PHIP: variants seen among roughly 807,000 people sequenced by gnomAD.
The protein encoded by PHIP is PHIP subunit of CUL4-Ring ligase complex.
Under a neutral mutation model 236.8 loss-of-function variants are expected in PHIP, and 54 were observed. The ratio of observed to expected loss-of-function variants is 0.23; its 90% CI spans 0.18 to 0.29. PHIP has a LOEUF of 0.29. Ranked by LOEUF, PHIP falls within the 10% of genes least tolerant of loss-of-function variation. The pLI is 1.00. For synonymous variants in PHIP, 756 were observed against 718.9 expected, an observed-to-expected ratio of 1.05 and a Z score of -0.83; for missense variants, 1,370 against 2,190.8, an observed-to-expected ratio of 0.63 and a Z score of 7.48.
chr6:79,030,748 C>T lies in PHIP; in HGVS notation c.601-4584G>A, dbSNP rs186203289. 7.9e-5 allele frequency among the ~76,000 whole-genome samples: 12 copies of T among 152,182 alleles called. No individual in the cohort carries two copies. In the East Asian group the frequency reaches 1.5e-3, roughly 20 times the overall value. ...AAAACAATGATAGCAGATGAGATTA[C>T]GAAGAGAGACCACTTAGTGTAGATT... On this transcript the variant is annotated intron_variant, in intron 7 of 39. Transcript: ENST00000275034.
chr6:78,987,906 C>A (rs980371370), intron 21 of PHIP, among the ~76,000 whole-genome samples: 1 of 152,290 alleles, frequency 6.6e-6, no homozygotes, highest in Non-Finnish European at 1.5e-5. Context: ...AACAAACTTG[C>A]ATTTAATCCC....
Position 78,965,103 on chromosome 6 carries a change from GAC to G in PHIP, c.3379+598_3379+599del, listed in dbSNP as rs149494524. Among the ~76,000 whole-genome samples, 656 of 152,266 alleles carry G rather than the reference GAC, an allele frequency of 4.3e-3. 2 individuals carry two copies. The highest frequency in any genetic ancestry group is 0.014 in the African/African-American group (596 of 41,534). On this transcript the variant is annotated intron_variant, in intron 29 of 39. Transcript: ENST00000275034. ...GAATGTGTCAGGCCATATGCATAAT[GAC>G]AGTTATATTATCATTATTAATTACA... is the stretch of plus-strand genomic sequence containing the variant.
intron 7 of PHIP, 83 bp downstream of exon 7, chr6:79,042,760 A>G: frequency 2.0e-6 from 2 of 1,019,288 alleles, no homozygotes; most frequent in Non-Finnish European, 2.7e-6. Flanking sequence ...AAAAAAAAGC[A>G]AGGTTTTACT....
chr6:79,015,107 A>C lies in PHIP; in HGVS notation c.1499T>G (p.Val500Gly). Residue 500 changes from valine to glycine, a missense_variant, in exon 15 of 40, where the codon GTC (valine) becomes GGC (glycine). By Grantham distance (109) the Val-to-Gly change is moderately radical. Coordinates refer to ENST00000275034, the MANE Select transcript of PHIP (RefSeq NM_017934.7). ...NVIVWDLARG[V>G]KIRSYFNMIE... The stretch of plus-strand genomic sequence containing the variant: ...CATATTGAAATAAGATCGTATTTTG[A>C]CTCCTCTTGCCAGATCCCACACTAT... The C allele has an allele frequency of 2.5e-6, 4 of 1,610,732 alleles. No homozygotes were observed. Among genetic ancestry groups the C allele is most frequent in the Non-Finnish European group, 3.4e-6 (4 of 1,177,548 alleles).
chr6:79,008,504 T>C (rs960003755), intron 15 of PHIP, among the ~76,000 whole-genome samples: 1 of 152,160 alleles, frequency 6.6e-6, no homozygotes, highest in Non-Finnish European at 1.5e-5. Flanking sequence ...AGCAATACTA[T>C]TGATTAGGCC....
At chr6:78,943,989 TTAAAAAAAAAAAA>T (rs1372844909) in intron 39 of PHIP, among the ~76,000 whole-genome samples, 2 of 46,822 alleles carry the variant, frequency 4.3e-5, no homozygotes, top group Middle Eastern at 0.015. Flanking sequence ...CTGTCTTTTT[TTAAAAAAAAAAAA>T]AAAAAAAAAA....
At chr6:78,987,204 T>C (rs1768922426) in intron 21 of PHIP, among the ~76,000 whole-genome samples, 1 of 152,078 alleles carries the variant, frequency 6.6e-6, no homozygotes, top group African/African-American at 2.4e-5. Context: ...AAACAGAATA[T>C]TTTAAATATT....
intron 24 of PHIP, among the ~76,000 whole-genome samples, chr6:78,975,660 A>C (rs1768000158): frequency 6.6e-6 from 1 of 152,220 alleles, no homozygotes; most frequent in South Asian, 2.1e-4. Flanking sequence ...TAAGCTGATA[A>C]GCAACTTCAG....
chr6:78,990,922 C>T lies in PHIP; in HGVS notation c.2265G>A (p.Glu755=), dbSNP rs766793943. Residue 755 remains glutamate (E), a synonymous_variant, in exon 20 of 40, where the codon GAG becomes GAA. Coordinates refer to ENST00000275034, the MANE Select transcript of PHIP (RefSeq NM_017934.7). ...TTGGAACAGTTAAGTGTTTTCTTTT[C>T]TCTTCTGACCTGTAAGTCTTTATTT... The part of the protein sequence containing the change: ...EEEIKTYRSE[E]KRKHLTVPKE... 1.9e-6 allele frequency: 3 copies of T among 1,610,950 alleles called. No homozygotes were observed. Among genetic ancestry groups the T allele is most frequent in the Non-Finnish European group, 2.5e-6 (3 of 1,177,712 alleles).
intron 6 of PHIP, among the ~76,000 whole-genome samples, chr6:79,059,631 G>T (rs1773264598): frequency 1.2e-5 from 1 of 82,344 alleles, no homozygotes; most frequent in Non-Finnish European, 2.5e-5. Flanking sequence ...ATATAAAAAT[G>T]CCAAACAAAA....
chr6:79,066,703 G>A (rs1038776863), intron 4 of PHIP, among the ~76,000 whole-genome samples: 2 of 151,832 alleles, frequency 1.3e-5, no homozygotes, highest in African/African-American at 4.8e-5. Flanking sequence ...AAATTCTAAG[G>A]GTAAAAGTAG....
intron 39 of PHIP, among the ~76,000 whole-genome samples, chr6:78,942,769 A>G (rs139139365): frequency 6.6e-6 from 1 of 152,326 alleles, no homozygotes; most frequent in Non-Finnish European, 1.5e-5. Context: ...ACTACAGAAG[A>G]TAGGCTTTAA....
intron 15 of PHIP, among the ~76,000 whole-genome samples, chr6:79,005,192 T>C (rs1770219883): frequency 6.6e-6 from 1 of 151,948 alleles, no homozygotes; most frequent in South Asian, 2.1e-4. Flanking sequence ...AGAAAGGAAA[T>C]GAATCATAAG....
intron 20 of PHIP, among the ~76,000 whole-genome samples, chr6:78,989,632 T>C (rs115426895): frequency 0.014 from 2,087 of 152,334 alleles, 41 homozygotes; most frequent in African/African-American, 0.047. Context: ...TGAGTGTGCA[T>C]GCACACACAT....
At chr6:79,002,946 A>G (rs1770082563) in intron 16 of PHIP, among the ~76,000 whole-genome samples, 1 of 152,058 alleles carries the variant, frequency 6.6e-6, no homozygotes, top group African/African-American at 2.4e-5. Flanking sequence ...TATAAACTCA[A>G]CCAGGACATA....
intron 9 of PHIP, among the ~76,000 whole-genome samples, chr6:79,023,652 A>AT (rs1246957172): frequency 6.6e-6 from 1 of 152,012 alleles, no homozygotes; most frequent in East Asian, 1.9e-4. Flanking sequence ...TTATATCTAT[A>AT]TAAAAACATT....
At chr6:78,999,825 G>A (rs1320481970) in intron 17 of PHIP, among the ~76,000 whole-genome samples, 1 of 151,872 alleles carries the variant, frequency 6.6e-6, no homozygotes, top group Admixed American at 6.6e-5. Flanking sequence ...AAATTCAATA[G>A]GATAAAATAA....
chr6:78,934,922 T>G lies in PHIP; in HGVS notation c.*5771A>C, dbSNP rs1400046539. ...TATTTCATTGAATGACTTCCACCAT[T>G]CTTTTCCCAAAGACTAATCAGTAAG... On this transcript the variant is annotated 3_prime_UTR_variant, in exon 40 of 40. Coordinates refer to ENST00000275034, the MANE Select transcript of PHIP (RefSeq NM_017934.7). Among the ~76,000 whole-genome samples the G allele has an allele frequency of 6.6e-6, 1 of 152,202 alleles. No homozygotes were observed. The highest frequency in any genetic ancestry group is 1.5e-5 in the Non-Finnish European group (1 of 68,030).
chr6:79,003,688 TAA>T, intron 16 of PHIP, 40 bp downstream of exon 16: 3 of 1,314,154 alleles, frequency 2.3e-6, no homozygotes, highest in Non-Finnish European at 3.1e-6. Context: ...AAACATGCAT[TAA>T]AAAAAAATAA....
Sources: gnomAD v4.1 joint callset for allele counts (sites outside exome capture counted in the v4.1 genomes callset) on GRCh38, gnomAD v4.1.1 for gene constraint, MANE v1.5 for transcripts, NCBI Gene and HGNC (gene_info 2026-07-23, HGNC 2026-07-21) for gene names.